Variants in CENPU observed in about 807,000 individuals in gnomAD.
The protein encoded by CENPU is centromere protein U.
Under a neutral mutation model 56.7 loss-of-function variants are expected in CENPU, and 46 were observed. The ratio of observed to expected loss-of-function variants is 0.81; its 90% CI spans 0.64 to 1.04. CENPU has a LOEUF of 1.04. Ranked by LOEUF, CENPU falls within the 50% of genes least tolerant of loss-of-function variation. The pLI is 0.00. For synonymous variants in CENPU, 166 were observed against 163.0 expected, an observed-to-expected ratio of 1.02 and a Z score of -0.14; for missense variants, 510 against 490.1, an observed-to-expected ratio of 1.04 and a Z score of -0.38.
chr4:184,716,242 C>T (rs1028940726), intron 6 of CENPU, among the ~76,000 whole-genome samples, 155 bp downstream of exon 6: 2 of 152,084 alleles, frequency 1.3e-5, no homozygotes, highest in African/African-American at 4.8e-5. Context: ...GCCATACCAT[C>T]TAGATTTTCT....
At chr4:184,732,015 A>G (rs552345141) in intron 1 of CENPU, among the ~76,000 whole-genome samples, 1 of 152,270 alleles carries the variant, frequency 6.6e-6, no homozygotes, top group South Asian at 2.1e-4. Flanking sequence ...AAGAAATTTA[A>G]CACTGATACC....
chr4:184,729,741 T>G (rs7692104), intron 2 of CENPU, among the ~76,000 whole-genome samples: 27,118 of 152,102 alleles, frequency 0.18, 2,721 homozygotes, highest in African/African-American at 0.26. Context: ...GGTACACATG[T>G]GTAAAAACTC....
At chr4:184,723,067 G>C (rs1205381240) in intron 4 of CENPU, among the ~76,000 whole-genome samples, 1 of 152,156 alleles carries the variant, frequency 6.6e-6, no homozygotes, top group East Asian at 1.9e-4. Context: ...GGCACTCCCA[G>C]TGGCACTGGG....
chr4:184,723,742 G>T (rs944413117), intron 4 of CENPU, among the ~76,000 whole-genome samples: 8 of 150,812 alleles, frequency 5.3e-5, no homozygotes, highest in Non-Finnish European at 7.4e-5. Flanking sequence ...ACTCGGGAGG[G>T]TGAGGCAGGA....
intron 8 of CENPU, among the ~76,000 whole-genome samples, chr4:184,708,050 C>G (rs922715208): frequency 2.6e-5 from 4 of 151,584 alleles, no homozygotes; most frequent in Admixed American, 6.6e-5. Flanking sequence ...TAGTGAAACC[C>G]CATCTCTACT....
intron 4 of CENPU, among the ~76,000 whole-genome samples, chr4:184,723,616 G>T (rs1332400288): frequency 6.6e-6 from 1 of 152,046 alleles, no homozygotes; most frequent in Non-Finnish European, 1.5e-5. Context: ...GGCCAAGGCG[G>T]GCGGATCACG....
At chr4:184,718,682 C>T (rs991909132) in intron 4 of CENPU, among the ~76,000 whole-genome samples, 1 of 152,128 alleles carries the variant, frequency 6.6e-6, no homozygotes, top group Non-Finnish European at 1.5e-5. Flanking sequence ...AGAGGAGAAA[C>T]GGATTTTCAA....
intron 5 of CENPU, 41 bp downstream of exon 5, chr4:184,717,095 A>G (rs747246353): frequency 4.5e-6 from 6 of 1,328,492 alleles, no homozygotes; most frequent in South Asian, 1.2e-5. Flanking sequence ...CAATCAAACT[A>G]TATTACAAAT....
Position 184,734,000 on chromosome 4 carries a change from G to T in CENPU, c.47+16C>A, listed in dbSNP as rs969059551. 2.2e-5 allele frequency: 36 copies of T among 1,609,988 alleles called. No homozygotes were observed. Among genetic ancestry groups the T allele is most frequent in the Non-Finnish European group, 2.9e-5 (34 of 1,178,974 alleles). Reference sequence around the variant, plus strand: ...TGGTCTCCGGCCCCGCGCTCCCGAGGGTCGGCAGTACTTACCCCTCAGACC... The same window carrying T: ...TGGTCTCCGGCCCCGCGCTCCCGAGTGTCGGCAGTACTTACCCCTCAGACC... On this transcript the variant is annotated intron_variant, in intron 1 of 12. Transcript: ENST00000281453.
At chr4:184,725,874 A>G (rs1339255486) in intron 3 of CENPU, among the ~76,000 whole-genome samples, 1 of 152,200 alleles carries the variant, frequency 6.6e-6, no homozygotes. Context: ...GAGGAGAAAG[A>G]TGCTCCTAGC....
Position 184,695,311 on chromosome 4 carries a change from C to T in CENPU, c.1234G>A (p.Glu412Lys). ...TCTCATCCCTGGTCAAGGAGCTTCT[C>T]TAACTGATGGTTGATATTTCGCAGA... Reference protein sequence around the residue: ...SHLRNINHQLEKLLDQG With the variant: ...SHLRNINHQLKKLLDQG The change falls in exon 13 of 13, where the codon GAG (glutamate) becomes AAG (lysine). Residue 412 changes from glutamate to lysine, a missense_variant. Glu to Lys is a moderately conservative substitution (Grantham distance 56). Transcript: ENST00000281453. 1 of 1,613,288 alleles carries T rather than the reference C, an allele frequency of 6.2e-7. No individual in the cohort carries two copies.
intron 6 of CENPU, chr4:184,713,884 C>G (rs951547087): frequency 6.6e-6 from 1 of 152,206 alleles, no homozygotes; most frequent in African/African-American, 2.4e-5. Flanking sequence ...ATAAGCTGCT[C>G]AGGAGAGCAC....
Position 184,734,037 on chromosome 4 carries a change from G to C in CENPU, c.26C>G (p.Pro9Arg), listed in dbSNP as rs899831790. 3 of 1,580,048 alleles carry C rather than the reference G, an allele frequency of 1.9e-6. No individual in the cohort carries two copies. The highest frequency in any genetic ancestry group is 2.4e-5 in the East Asian group (1 of 42,422). Residue 9 changes from proline to arginine, a missense_variant, in exon 1 of 13, where the codon CCG becomes CGG. Physicochemically the swap from Pro to Arg is moderately radical, Grantham distance 103. Coordinates refer to ENST00000281453, the MANE Select transcript of CENPU (RefSeq NM_024629.4). MAPRGRRR[P>R]RPHRSEGARR... ...TTACCCCTCAGACCTGTGAGGCCGC[G>C]GCCGCCGCCGCCCCCGCGGGGCCAT...
At chr4:184,706,257 T>C (rs1433677249) in intron 8 of CENPU, among the ~76,000 whole-genome samples, 1 of 152,214 alleles carries the variant, frequency 6.6e-6, no homozygotes, top group East Asian at 1.9e-4. Context: ...TAATCTCAAC[T>C]ACTCTGGAGG....
chr4:184,706,116 T>A (rs970928361), intron 8 of CENPU, among the ~76,000 whole-genome samples: 15 of 151,972 alleles, frequency 9.9e-5, no homozygotes, highest in African/African-American at 3.6e-4. Flanking sequence ...TATGTGTATT[T>A]TAGCACAATT....
At chr4:184,716,138 T>C (rs988970680) in intron 6 of CENPU, among the ~76,000 whole-genome samples, 2 of 152,104 alleles carry the variant, frequency 1.3e-5, no homozygotes, top group African/African-American at 2.4e-5. Context: ...TTTCGCCATA[T>C]TGCCCAGGCT....
intron 8 of CENPU, among the ~76,000 whole-genome samples, chr4:184,703,348 G>A (rs1334114353): frequency 6.6e-6 from 1 of 152,188 alleles, no homozygotes; most frequent in African/African-American, 2.4e-5. Context: ...TAAATCAGGT[G>A]TTAGTTCTTC....
chr4:184,724,072 G>T (rs1761374434), intron 4 of CENPU, among the ~76,000 whole-genome samples: 1 of 151,824 alleles, frequency 6.6e-6, no homozygotes, highest in South Asian at 2.1e-4. Context: ...AGACCAGCCT[G>T]GGTAACATGG....
chr4:184,724,336 A>T (rs981512333), intron 4 of CENPU, among the ~76,000 whole-genome samples: 2 of 152,226 alleles, frequency 1.3e-5, no homozygotes, highest in Non-Finnish European at 2.9e-5. Flanking sequence ...TACATTTAGT[A>T]ACTAGAACTG....
Sources: allele counts gnomAD v4.1 joint callset (sites outside exome capture counted in the v4.1 genomes callset), GRCh38; gene constraint gnomAD v4.1.1; transcripts MANE v1.5; gene names NCBI Gene and HGNC (gene_info 2026-07-23, HGNC 2026-07-21).